The following DAAM1 variants were observed in gnomAD, a reference collection of about 807,000 sequenced individuals.
DAAM1 encodes disheveled-associated activator of morphogenesis 1.
In DAAM1, 52 loss-of-function variants were observed where a neutral mutation model predicts 130.0. The ratio of observed to expected loss-of-function variants is 0.40; its 90% CI spans 0.32 to 0.50. The LOEUF (loss-of-function observed/expected upper bound fraction) is 0.50, where lower values mean the gene tolerates loss of function less well. Ranked by LOEUF, DAAM1 falls within the 20% of genes least tolerant of loss-of-function variation. DAAM1 has a pLI of 0.61. For missense variants in DAAM1, 1,134 were observed against 1,303.8 expected (o/e 0.87, Z 2.01); for synonymous variants, 452 against 444.5 (o/e 1.02, Z -0.21).
intron 3 of DAAM1, among the ~76,000 whole-genome samples, chr14:59,308,066 G>T (rs913630429): frequency 6.6e-6 from 1 of 152,178 alleles, no homozygotes; most frequent in Admixed American, 6.5e-5. Context: ...TATCTGTGAG[G>T]ACTATCAGGA....
At position 59,368,908 on chromosome 14, in the gene DAAM1, G is replaced by A. The variant is rs1887031569; in HGVS notation, c.*49G>A. On this transcript the variant is annotated 3_prime_UTR_variant, in exon 25 of 25. Transcript: ENST00000360909. ...GAAAGCTCATTAGCAGCCCTCTAAA[G>A]TGACTAGAACGTTTCATTACACTGC... 3 of 1,567,696 alleles carry A rather than the reference G, an allele frequency of 1.9e-6. No individual in the cohort carries two copies. Among genetic ancestry groups the A allele is most frequent in the Non-Finnish European group, 2.6e-6 (3 of 1,149,824 alleles).
chr14:59,294,058 T>C lies in DAAM1; in HGVS notation c.273+2752T>C, dbSNP rs2139570335. On this transcript the variant is annotated intron_variant, in intron 3 of 24. Transcript: ENST00000360909. ...CCAGGGCTCTGTCACATTTCCCGTC[T>C]TTCAAGATTAGAATACAGGGCATTA... Among the ~76,000 whole-genome samples the C allele has an allele frequency of 1.3e-5, 2 of 152,344 alleles. 1 individual carries two copies. Among genetic ancestry groups the C allele is most frequent in the South Asian group, 4.1e-4 (2 of 4,828 alleles).
intron 1 of DAAM1, among the ~76,000 whole-genome samples, chr14:59,209,268 C>A (rs1888357583): frequency 6.7e-6 from 1 of 149,478 alleles, no homozygotes; most frequent in Non-Finnish European, 1.5e-5. Context: ...CTCTCCTTTC[C>A]AAATTTATGA....
At chr14:59,289,154 A>T (rs1883604637) in intron 2 of DAAM1, among the ~76,000 whole-genome samples, 1 of 152,070 alleles carries the variant, frequency 6.6e-6, no homozygotes, top group African/African-American at 2.4e-5. Flanking sequence ...TGACCTCGTG[A>T]TCTGCCCGCC....
chr14:59,216,917 GTTT>G (rs10707767), intron 1 of DAAM1, among the ~76,000 whole-genome samples: 22 of 150,186 alleles, frequency 1.5e-4, no homozygotes, highest in East Asian at 5.8e-4. Flanking sequence ...TGTCTATATA[GTTT>G]TTTTTTTTTT....
chr14:59,313,407 C>G (rs554367274), intron 3 of DAAM1, among the ~76,000 whole-genome samples: 2 of 152,240 alleles, frequency 1.3e-5, no homozygotes, highest in Non-Finnish European at 2.9e-5. Flanking sequence ...ATGACAATAT[C>G]TACGTGTGCT....
intron 3 of DAAM1, among the ~76,000 whole-genome samples, chr14:59,308,461 C>CTTGTTTAGGGACCA (rs1884452333): frequency 1.3e-5 from 2 of 152,104 alleles, no homozygotes; most frequent in African/African-American, 4.8e-5. Flanking sequence ...AAACAAAAGC[C>CTTGTTTAGGGACCA]AACAAGTGCT....
In DAAM1 at chr14:59,359,477, G is replaced by A. The variant is rs779321181; in HGVS notation, c.2606G>A (p.Arg869Gln). 8 of 1,613,540 alleles carry A rather than the reference G, an allele frequency of 5.0e-6. No homozygotes were observed. The Admixed American group carries it at 6.7e-5, about 13-fold the overall frequency. Residue 869 changes from arginine to glutamine, a missense_variant, in exon 21 of 25, where the codon CGA becomes CAA. This residue lies in a region of DAAM1 where 644 missense variants were observed against 695.9 expected (regional missense o/e 0.93). Coordinates refer to ENST00000360909, the MANE Select transcript of DAAM1 (RefSeq NM_001270520.2). ...GTTCTCAATCTAAATGAAGAATTGC[G>A]AGATATTCCTCAAGCTGCGAAAGTA... is the stretch of plus-strand genomic sequence containing the variant. ...PSVLNLNEEL[R>Q]DIPQAAKVNM... is the part of the protein sequence containing the mutation.
chr14:59,257,952 C>T (rs535369584), intron 1 of DAAM1, among the ~76,000 whole-genome samples: 6 of 152,326 alleles, frequency 3.9e-5, no homozygotes, highest in African/African-American at 1.4e-4. Context: ...GAGGCCATCC[C>T]TGATCATACT....
At chr14:59,353,700 G>A (rs1371166369) in intron 18 of DAAM1, among the ~76,000 whole-genome samples, 176 bp from the exon 19 acceptor site, 1 of 152,096 alleles carries the variant, frequency 6.6e-6, no homozygotes, top group Non-Finnish European at 1.5e-5. Context: ...GGCTCTCCAG[G>A]CAAAGCTGGC....
At chr14:59,328,659 G>A (rs1178891848) in intron 12 of DAAM1, among the ~76,000 whole-genome samples, 1 of 152,180 alleles carries the variant, frequency 6.6e-6, no homozygotes, top group African/African-American at 2.4e-5. Flanking sequence ...GACTCACAGC[G>A]TGGTTGTGAA....
intron 1 of DAAM1, among the ~76,000 whole-genome samples, chr14:59,232,834 C>T (rs1449156051): frequency 6.6e-6 from 1 of 151,984 alleles, no homozygotes; most frequent in African/African-American, 2.4e-5. Context: ...TGTTGTTCCC[C>T]TCCCTGTGTC....
chr14:59,279,564 T>C (rs922337444), intron 2 of DAAM1, among the ~76,000 whole-genome samples: 1 of 152,154 alleles, frequency 6.6e-6, no homozygotes, highest in African/African-American at 2.4e-5. Flanking sequence ...AAAGAAATAC[T>C]GTGTGTTATC....
intron 16 of DAAM1, among the ~76,000 whole-genome samples, chr14:59,342,393 T>A (rs1292058967): frequency 1.3e-5 from 2 of 152,204 alleles, no homozygotes; most frequent in Non-Finnish European, 2.9e-5. Flanking sequence ...CAGAATGACA[T>A]GTTAAATGTG....
In DAAM1 at chr14:59,315,542, G is replaced by C. The variant is rs541157180; in HGVS notation, c.345+191G>C. Among the ~76,000 whole-genome samples the C allele has an allele frequency of 2.3e-3, 348 of 152,232 alleles. 1 individual carries two copies. Among genetic ancestry groups the C allele is most frequent in the African/African-American group, 7.9e-3 (327 of 41,524 alleles). On this transcript the variant is annotated intron_variant, in intron 4 of 24. Transcript: ENST00000360909. ...GATACTTGGCAAAGTGATTTTTCCAGTATGTTTTAAATAAAATCAGCACAC... is the reference window on the plus strand; with the variant it reads ...GATACTTGGCAAAGTGATTTTTCCACTATGTTTTAAATAAAATCAGCACAC...
intron 2 of DAAM1, among the ~76,000 whole-genome samples, chr14:59,288,646 G>C (rs572750231): frequency 1.3e-5 from 2 of 152,102 alleles, no homozygotes; most frequent in Non-Finnish European, 2.9e-5. Flanking sequence ...ATGAAAAAAT[G>C]CTAATCACTG....
chr14:59,345,165 G>A (rs1000773103), intron 16 of DAAM1, among the ~76,000 whole-genome samples: 19 of 152,046 alleles, frequency 1.2e-4, no homozygotes, highest in African/African-American at 2.4e-4. Context: ...GCTGCGAGTC[G>A]GTTTTTCCCT....
At chr14:59,280,934 T>G (rs556543653) in intron 2 of DAAM1, among the ~76,000 whole-genome samples, 1 of 152,270 alleles carries the variant, frequency 6.6e-6, no homozygotes, top group East Asian at 1.9e-4. Context: ...TGTTTTTATT[T>G]TCTCTCCTCC....
chr14:59,210,275 C>T (rs952609120), intron 1 of DAAM1, among the ~76,000 whole-genome samples: 1 of 152,192 alleles, frequency 6.6e-6, no homozygotes, highest in Non-Finnish European at 1.5e-5. Flanking sequence ...TATTATATTA[C>T]AATTATCTGT....
Sources: gnomAD v4.1 joint callset for allele counts (sites outside exome capture counted in the v4.1 genomes callset) on GRCh38, gnomAD v4.1.1 for gene constraint, gnomAD v4.1.1 regional missense constraint, MANE v1.5 for transcripts, NCBI Gene and HGNC (gene_info 2026-07-23, HGNC 2026-07-21) for gene names.